LRCH1: variants seen among roughly 807,000 people sequenced by gnomAD.
The protein encoded by LRCH1 is leucine rich repeats and calponin homology domain containing 1, also known as leucine-rich repeat and calponin homology domain-containing protein 1.
In LRCH1, 23 loss-of-function variants were observed where a neutral mutation model predicts 94.9. The observed-to-expected ratio is 0.24, with a 90% CI of 0.17 to 0.34. The LOEUF (loss-of-function observed/expected upper bound fraction) is 0.34. Among genes scored for constraint, LRCH1 ranks in the 10% least tolerant of loss-of-function variants. The pLI is 1.00. For synonymous variants in LRCH1, 364 were observed against 354.9 expected, an observed-to-expected ratio of 1.03 and a Z score of -0.29; for missense variants, 790 against 945.9, an observed-to-expected ratio of 0.84 and a Z score of 2.16.
intron 2 of LRCH1, among the ~76,000 whole-genome samples, chr13:46,666,013 G>A (rs1193614935): frequency 6.6e-6 from 1 of 152,184 alleles, no homozygotes; most frequent in Non-Finnish European, 1.5e-5. Flanking sequence ...GAAATTACAA[G>A]TAATACAGGA....
At chr13:46,576,394 TC>T (rs549945875) in intron 1 of LRCH1, among the ~76,000 whole-genome samples, 390 of 152,340 alleles carry the variant, frequency 2.6e-3, no homozygotes, top group Non-Finnish European at 4.2e-3. Flanking sequence ...TGCCTTGGCT[TC>T]TGATAACTGG....
intron 15 of LRCH1, among the ~76,000 whole-genome samples, chr13:46,713,844 A>G (rs7317534): frequency 1.1e-3 from 171 of 152,238 alleles, no homozygotes; most frequent in African/African-American, 4.0e-3. Context: ...CCACCAGGAG[A>G]CTTATTTTAC....
chr13:46,610,034 G>A (rs914558286), intron 1 of LRCH1, among the ~76,000 whole-genome samples: 3 of 152,126 alleles, frequency 2.0e-5, no homozygotes, highest in Admixed American at 2.0e-4. Flanking sequence ...TCTCCTTTTT[G>A]TCATGGCCGG....
At chr13:46,712,686 T>A (rs1872131224) in intron 15 of LRCH1, 89 bp downstream of exon 15, 5 of 1,175,978 alleles carry the variant, frequency 4.3e-6, no homozygotes, top group South Asian at 1.3e-5. Context: ...AATGTGCACA[T>A]CCTTGTCAGT....
chr13:46,704,392 TG>T (rs1213822209), intron 11 of LRCH1, among the ~76,000 whole-genome samples: 1 of 152,138 alleles, frequency 6.6e-6, no homozygotes, highest in Non-Finnish European at 1.5e-5. Flanking sequence ...AAAATTTAGT[TG>T]GCTATTGCTG....
rs373598814 is a variant in LRCH1 at position 46,553,214 on chromosome 13, T to G, written c.-183T>G. The G allele has an allele frequency of 1.8e-6, 1 of 570,104 alleles. No individual in the cohort carries two copies. The allele number at this position is 570,104 out of a possible 1,614,324, so 35.3% of individuals were successfully genotyped here. On this transcript the variant is annotated 5_prime_UTR_variant, in exon 1 of 20. Transcript: ENST00000389797. Reference sequence around the variant, plus strand: ...GGACAGGAAACCTTCAAGACCGAGCTGCCACGGCCGCCTCCCCGCCCGCCC... The same window carrying G: ...GGACAGGAAACCTTCAAGACCGAGCGGCCACGGCCGCCTCCCCGCCCGCCC...
chr13:46,704,964 T>A, intron 11 of LRCH1, 104 bp from the exon 12 acceptor site: 2 of 614,518 alleles, frequency 3.3e-6, no homozygotes, highest in Non-Finnish European at 5.5e-6. Flanking sequence ...AAGATAAACA[T>A]AACTTTTTAG....
chr13:46,574,529 C>T (rs550106608), intron 1 of LRCH1, among the ~76,000 whole-genome samples: 2 of 152,222 alleles, frequency 1.3e-5, no homozygotes, highest in Admixed American at 6.5e-5. Flanking sequence ...TGGCATTTTC[C>T]GACTATGTTG....
chr13:46,676,045 G>A (rs532679742), intron 3 of LRCH1, among the ~76,000 whole-genome samples: 10 of 152,306 alleles, frequency 6.6e-5, no homozygotes, highest in South Asian at 6.2e-4. Context: ...TTGGGAGGCC[G>A]AGGTCAGGAG....
chr13:46,671,115 C>A (rs1439572537), intron 3 of LRCH1, among the ~76,000 whole-genome samples: 1 of 152,162 alleles, frequency 6.6e-6, no homozygotes, highest in East Asian at 1.9e-4. Flanking sequence ...TGGGAATGCA[C>A]CTTGTTCATT....
chr13:46,608,535 T>C (rs997191927), intron 1 of LRCH1, among the ~76,000 whole-genome samples: 6 of 152,222 alleles, frequency 3.9e-5, no homozygotes, highest in African/African-American at 1.4e-4. Flanking sequence ...ATGATTTTGT[T>C]ATCCATCCTT....
chr13:46,705,585 C>A, intron 13 of LRCH1: 1 of 566,148 alleles, frequency 1.8e-6, no homozygotes, highest in Non-Finnish European at 3.2e-6. Flanking sequence ...CAAGCGATGG[C>A]AACTAAAATA....
At chr13:46,602,995 C>T (rs569438687) in intron 1 of LRCH1, among the ~76,000 whole-genome samples, 1 of 149,850 alleles carries the variant, frequency 6.7e-6, no homozygotes, top group South Asian at 2.1e-4. Flanking sequence ...TACATACATA[C>T]ATACATACAT....
chr13:46,751,195 CTATT>C (rs1874120087), exon 19 of LRCH1: 1 of 151,982 alleles, frequency 6.6e-6, no homozygotes, highest in Non-Finnish European at 1.5e-5. Flanking sequence ...AATTAGGAAA[CTATT>C]TTATTACTGC....
At chr13:46,663,602 C>A (rs1364606038) in intron 2 of LRCH1, among the ~76,000 whole-genome samples, 1 of 152,148 alleles carries the variant, frequency 6.6e-6, no homozygotes, top group Non-Finnish European at 1.5e-5. Context: ...TGATGAGAAG[C>A]AAACAGGGTA....
At chr13:46,674,851 T>A (rs191866381) in intron 3 of LRCH1, among the ~76,000 whole-genome samples, 26 of 152,358 alleles carry the variant, frequency 1.7e-4, no homozygotes, top group Middle Eastern at 3.4e-3. Context: ...CCAGGTTTTT[T>A]AATCAGCGTC....
intron 1 of LRCH1, among the ~76,000 whole-genome samples, chr13:46,560,955 A>G (rs1414782659): frequency 6.6e-6 from 1 of 152,204 alleles, no homozygotes; most frequent in Non-Finnish European, 1.5e-5. Context: ...TAGAAAGTTG[A>G]TGAACTGTGA....
intron 1 of LRCH1, among the ~76,000 whole-genome samples, chr13:46,645,626 C>T (rs2051210692): frequency 2.0e-5 from 3 of 152,068 alleles, no homozygotes; most frequent in Admixed American, 2.0e-4. Flanking sequence ...AAACAGAGGT[C>T]TAGAAAATTG....
chr13:46,737,925 T>G (rs555147896), intron 19 of LRCH1, among the ~76,000 whole-genome samples: 5 of 152,274 alleles, frequency 3.3e-5, no homozygotes, highest in Admixed American at 1.3e-4. Flanking sequence ...CATCAAAAAA[T>G]TAGGAAATAG....
Sources: allele counts gnomAD v4.1 joint callset (sites outside exome capture counted in the v4.1 genomes callset), GRCh38; gene constraint gnomAD v4.1.1; transcripts MANE v1.5; gene names NCBI Gene and HGNC (gene_info 2026-07-23, HGNC 2026-07-21).